The following FERMT1 variants were observed in gnomAD, a reference collection of about 807,000 sequenced individuals.
FERMT1 encodes the protein FERM domain containing kindlin 1.
In FERMT1, 60 loss-of-function variants were observed where a neutral mutation model predicts 85.3. The observed-to-expected ratio is 0.70, with a 90% CI of 0.57 to 0.87. The LOEUF is 0.87. Among genes scored for constraint, FERMT1 ranks in the 40% least tolerant of loss-of-function variants. The pLI, the probability that FERMT1 is intolerant of heterozygous loss-of-function variation, is 0.00. For synonymous variants in FERMT1, 275 were observed against 301.1 expected (o/e 0.91, Z 0.90); for missense variants, 701 against 818.9 (o/e 0.86, Z 1.76).
chr20:6,098,064 T>G (rs1269012234), intron 6 of FERMT1, among the ~76,000 whole-genome samples: 1 of 152,166 alleles, frequency 6.6e-6, no homozygotes, highest in African/African-American at 2.4e-5. Context: ...CCTACCCATC[T>G]CAGCCCCACA....
chr20:6,087,294 C>T (rs1257428590), intron 11 of FERMT1, among the ~76,000 whole-genome samples: 2 of 152,172 alleles, frequency 1.3e-5, no homozygotes, highest in Non-Finnish European at 2.9e-5. Context: ...GCACATCTTT[C>T]AGAAAACAAT....
At chr20:6,112,665 G>T (rs1033399195) in intron 3 of FERMT1, 42 bp from the exon 4 acceptor site, 3 of 1,366,826 alleles carry the variant, frequency 2.2e-6, no homozygotes, top group Non-Finnish European at 3.0e-6. Context: ...AAAGTAAAAA[G>T]AAAACTCCTT....
At position 6,097,542 on chromosome 20, in the gene FERMT1, C is replaced by G; in HGVS notation, c.939G>C (p.Leu313Phe). 1.2e-6 allele frequency: 2 copies of G among 1,613,106 alleles called. No homozygotes were observed. The highest frequency in any genetic ancestry group is 1.7e-6 in the Non-Finnish European group (2 of 1,179,114). Residue 313 changes from leucine (L) to phenylalanine (F), a missense_variant, in exon 7 of 15, where the codon TTG becomes TTC. Coordinates refer to ENST00000217289, the MANE Select transcript of FERMT1 (RefSeq NM_017671.5). ...EEIDCTEEEM[L>F]IFAALQYHIS... ...CCCATACCTGTAGAGCTGCAAAGATCAACATTTCTTCCTCTGTGCAATCAA... is the reference window on the plus strand; with the variant it reads ...CCCATACCTGTAGAGCTGCAAAGATGAACATTTCTTCCTCTGTGCAATCAA...
In FERMT1 at chr20:6,080,560, A is replaced by G. The variant is rs539243699; in HGVS notation, c.1719-983T>C. On this transcript the variant is annotated intron_variant, in intron 13 of 14. Coordinates refer to ENST00000217289, the MANE Select transcript of FERMT1 (RefSeq NM_017671.5). ...CAGGGTAGAGGCAGGAACACCAAGC[A>G]GGATCACTCTGGACCGGCTCTGTGA... Among the ~76,000 whole-genome samples, 255 of 152,328 alleles carry G rather than the reference A, an allele frequency of 1.7e-3. 1 individual carries two copies. The highest frequency in any genetic ancestry group is 4.6e-3 in the South Asian group (22 of 4,820).
In FERMT1 at chr20:6,112,500, G is replaced by A; in HGVS notation, c.509C>T (p.Ser170Phe). The change falls in exon 4 of 15, where the codon TCT becomes TTT. Residue 170 changes from serine (S) to phenylalanine (F), a missense_variant. By Grantham distance (155) the Ser-to-Phe change is radical. Coordinates refer to ENST00000217289, the MANE Select transcript of FERMT1 (RefSeq NM_017671.5). ...IIEDILNLES[S>F]PTASGSSVSP... ...ACCTGATGAACCTGAAGCTGTTGGA[G>A]AACTCTCCAGGTTTAGAATATCTTC... is the stretch of plus-strand genomic sequence containing the variant. The A allele has an allele frequency of 6.2e-7, 1 of 1,613,726 alleles. No individual in the cohort carries two copies. Among genetic ancestry groups the A allele is most frequent in the Non-Finnish European group, 8.5e-7 (1 of 1,179,734 alleles).
chr20:6,115,890 C>T lies in FERMT1; in HGVS notation c.306G>A (p.Pro102=), dbSNP rs141850118. The change falls in exon 3 of 15, where the codon CCG becomes CCA. Residue 102 remains proline (P), a synonymous_variant. Coordinates refer to ENST00000217289, the MANE Select transcript of FERMT1 (RefSeq NM_017671.5). Reference sequence around the variant, plus strand: ...CTCGCAACCTCACCATCTTCAAATTCGGCAGACGAAGGCGCAGCATTTTAT... The same window carrying T: ...CTCGCAACCTCACCATCTTCAAATTTGGCAGACGAAGGCGCAGCATTTTAT... ...PQHKMLRLRL[P]NLKMVRLRVS... 743 of 1,614,132 alleles carry T rather than the reference C, an allele frequency of 4.6e-4. 2 individuals carry two copies. The highest frequency in any genetic ancestry group is 5.8e-4 in the Non-Finnish European group (679 of 1,180,038).
At chr20:6,079,414 A>G (rs1357920976) in intron 14 of FERMT1, 22 bp downstream of exon 14, 1 of 1,613,362 alleles carries the variant, frequency 6.2e-7, no homozygotes, top group African/African-American at 1.3e-5. Flanking sequence ...TCAACACTGA[A>G]GAGCAAAAAC....
intron 3 of FERMT1, 36 bp downstream of exon 3, chr20:6,115,775 G>C: frequency 2.0e-6 from 3 of 1,479,712 alleles, no homozygotes; most frequent in Non-Finnish European, 2.8e-6. Flanking sequence ...CTTTGCAAGA[G>C]TCTACAGGGC....
chr20:6,075,040 T>C lies in FERMT1; in HGVS notation c.*2133A>G, dbSNP rs1328027678. On this transcript the variant is annotated 3_prime_UTR_variant, in exon 15 of 15. Coordinates refer to ENST00000217289, the MANE Select transcript of FERMT1 (RefSeq NM_017671.5). ...CAAGTTGCTCTTTGGAACAGTAGCA[T>C]TTAGGTTTGTTTTTTTTTTTTTTTG... 1 of 147,744 alleles carries C rather than the reference T, an allele frequency of 6.8e-6. No homozygotes were observed. Among genetic ancestry groups the C allele is most frequent in the Non-Finnish European group, 1.5e-5 (1 of 66,996 alleles). The allele number at this position is 147,744 out of a possible 1,614,324, so 9.2% of individuals were successfully genotyped here. A position where few individuals can be genotyped will look rare whatever the true frequency, so the allele number is the denominator to read the frequency against.
At chr20:6,086,907 A>C (rs985990226) in intron 11 of FERMT1, among the ~76,000 whole-genome samples, 5 of 152,126 alleles carry the variant, frequency 3.3e-5, no homozygotes, top group Non-Finnish European at 4.4e-5. Context: ...TCTTTATAGC[A>C]ATGTGAGAAT....
At chr20:6,087,647 C>T (rs746968009) in intron 11 of FERMT1, 130 bp downstream of exon 11, 1 of 724,220 alleles carries the variant, frequency 1.4e-6, no homozygotes, top group East Asian at 2.6e-5. Flanking sequence ...TTTTGTTACA[C>T]TGTGATTGTT....
chr20:6,098,022 C>T (rs1156450545), intron 6 of FERMT1, among the ~76,000 whole-genome samples: 2 of 151,924 alleles, frequency 1.3e-5, no homozygotes, highest in Non-Finnish European at 1.5e-5. Context: ...CCATGTTGCC[C>T]AGGCTGGTCT....
At position 6,111,643 on chromosome 20, in the gene FERMT1, C is replaced by G. The variant is rs185411298; in HGVS notation, c.532+834G>C. Among the ~76,000 whole-genome samples, 13 of 137,164 alleles carry G rather than the reference C, an allele frequency of 9.5e-5. No homozygotes were observed. In the East Asian group the frequency reaches 3.1e-3, roughly 33 times the overall value. The allele number at this position is 137,164 out of a possible 152,430, so 90.0% of individuals were successfully genotyped here. On this transcript the variant is annotated intron_variant, in intron 4 of 14. Coordinates refer to ENST00000217289, the MANE Select transcript of FERMT1 (RefSeq NM_017671.5). ...CAAGACTCTGTCTAAAAAAACAAAA[C>G]AAAACAAACAAACAAAAAATGAAGA...
At position 6,076,168 on chromosome 20, in the gene FERMT1, C is replaced by T. The variant is rs1166473842; in HGVS notation, c.*1005G>A. 3.7e-6 allele frequency: 1 copy of T among 269,906 alleles called. No homozygotes were observed. Among genetic ancestry groups the T allele is most frequent in the Non-Finnish European group, 7.4e-6 (1 of 135,186 alleles). The allele number at this position is 269,906 out of a possible 1,614,324, so 16.7% of individuals were successfully genotyped here. ...GAGGGACGCTTCCCCATGACCCAGA[C>T]CAGCCTAAAGCCCCTGTGGGGGCAG... On this transcript the variant is annotated 3_prime_UTR_variant, in exon 15 of 15. Coordinates refer to ENST00000217289, the MANE Select transcript of FERMT1 (RefSeq NM_017671.5).
chr20:6,084,834 C>T (rs1309927990), intron 12 of FERMT1, among the ~76,000 whole-genome samples: 3 of 151,972 alleles, frequency 2.0e-5, no homozygotes, highest in Non-Finnish European at 2.9e-5. Flanking sequence ...GCTGGGATTA[C>T]AGGTGTGCAC....
chr20:6,113,998 G>C (rs6139917), intron 3 of FERMT1, among the ~76,000 whole-genome samples: 3,470 of 152,214 alleles, frequency 0.023, 81 homozygotes, highest in South Asian at 0.11. Context: ...TATCATTCCA[G>C]GTAAAAACCA....
At chr20:6,114,745 T>G (rs1276295838) in intron 3 of FERMT1, among the ~76,000 whole-genome samples, 1 of 152,188 alleles carries the variant, frequency 6.6e-6, no homozygotes, top group Non-Finnish European at 1.5e-5. Flanking sequence ...CGGTTTCTGC[T>G]CTCACCCTAC....
intron 14 of FERMT1, among the ~76,000 whole-genome samples, chr20:6,079,056 C>CT (rs577513793): frequency 8.5e-4 from 129 of 152,212 alleles, no homozygotes; most frequent in African/African-American, 2.9e-3. Context: ...TCAGATGAGG[C>CT]TTTTTTTGGA....
intron 7 of FERMT1, 82 bp downstream of exon 7, chr20:6,097,442 A>G: frequency 4.2e-6 from 4 of 943,694 alleles, no homozygotes; most frequent in Non-Finnish European, 7.0e-6. Context: ...ACAAAAAAAA[A>G]CCAGTATGAA....
Sources: gnomAD v4.1 joint callset for allele counts (sites outside exome capture counted in the v4.1 genomes callset) on GRCh38, gnomAD v4.1.1 for gene constraint, MANE v1.5 for transcripts, NCBI Gene and HGNC (gene_info 2026-07-23, HGNC 2026-07-21) for gene names.